The following ROBO1 variants were observed in gnomAD, a reference collection of about 807,000 sequenced individuals.
The protein encoded by ROBO1 is roundabout homolog 1.
Under a neutral mutation model 195.9 loss-of-function variants are expected in ROBO1, and 149 were observed. The ratio of observed to expected loss-of-function variants is 0.76; its 90% confidence interval spans 0.67 to 0.87. The LOEUF (loss-of-function observed/expected upper bound fraction) is 0.87, where lower values mean the gene tolerates loss of function less well. Ranked by LOEUF, ROBO1 falls within the 40% of genes least tolerant of loss-of-function variation. The pLI is 0.00. For synonymous variants in ROBO1, 816 were observed against 733.2 expected (o/e 1.11, Z -1.82); for missense variants, 1,933 against 2,068.3 (o/e 0.93, Z 1.27).
At chr3:78,773,014 C>T (rs1386389995) in intron 4 of ROBO1, among the ~76,000 whole-genome samples, 2 of 151,994 alleles carry the variant, frequency 1.3e-5, no homozygotes, top group African/African-American at 4.8e-5. Flanking sequence ...TATAGTACCA[C>T]ATAATAATAT....
chr3:79,569,825 A>C (rs370469985), intron 2 of ROBO1, among the ~76,000 whole-genome samples: 3 of 152,074 alleles, frequency 2.0e-5, no homozygotes, highest in African/African-American at 7.2e-5. Flanking sequence ...TCGGCCTGGC[A>C]CGGTGGCTCA....
chr3:79,326,199 TC>T (rs1319018907), intron 2 of ROBO1, among the ~76,000 whole-genome samples: 1 of 152,188 alleles, frequency 6.6e-6, no homozygotes, highest in Non-Finnish European at 1.5e-5. Flanking sequence ...TTTTAATTTC[TC>T]CCCGGTCCTG....
chr3:78,919,709 A>G (rs1228127709), intron 4 of ROBO1, among the ~76,000 whole-genome samples: 3 of 152,228 alleles, frequency 2.0e-5, no homozygotes, highest in Non-Finnish European at 4.4e-5. Context: ...ACATCACAGA[A>G]AAAGTTGAGG....
At chr3:79,717,035 T>C (rs910178788) in intron 1 of ROBO1, among the ~76,000 whole-genome samples, 4 of 151,992 alleles carry the variant, frequency 2.6e-5, no homozygotes, top group Non-Finnish European at 4.4e-5. Flanking sequence ...GCAGAGATCA[T>C]TTGTGAAAAG....
At chr3:79,012,254 C>T (rs190647363) in intron 3 of ROBO1, among the ~76,000 whole-genome samples, 87 of 152,322 alleles carry the variant, frequency 5.7e-4, no homozygotes, top group African/African-American at 2.1e-3. Context: ...CTATATGCTG[C>T]ATACAAAGCA....
At chr3:79,615,282 C>T (rs1944784763) in intron 1 of ROBO1, among the ~76,000 whole-genome samples, 2 of 152,132 alleles carry the variant, frequency 1.3e-5, no homozygotes, top group Admixed American at 6.5e-5. Flanking sequence ...TTTACATAAA[C>T]TCAACTAATT....
At chr3:79,107,859 A>C (rs1051179085) in intron 3 of ROBO1, among the ~76,000 whole-genome samples, 1 of 151,754 alleles carries the variant, frequency 6.6e-6, no homozygotes, top group Non-Finnish European at 1.5e-5. Context: ...GAGTTAAGAT[A>C]ATATTAATAT....
intron 1 of ROBO1, among the ~76,000 whole-genome samples, chr3:79,731,244 T>C (rs2107355220): frequency 6.6e-6 from 1 of 152,266 alleles, no homozygotes; most frequent in South Asian, 2.1e-4. Flanking sequence ...GTGCCTATGA[T>C]TTTTTCTAAA....
chr3:78,725,134 C>T (rs3773233), intron 5 of ROBO1, among the ~76,000 whole-genome samples: 35,206 of 151,960 alleles, frequency 0.23, 4,340 homozygotes, highest in East Asian at 0.47. Flanking sequence ...TTACCATATA[C>T]CTTACCAGCC....
chr3:78,991,992 A>C (rs548782668), intron 3 of ROBO1, among the ~76,000 whole-genome samples: 4 of 152,352 alleles, frequency 2.6e-5, no homozygotes, highest in Admixed American at 6.5e-5. Flanking sequence ...ACATACTTGT[A>C]GAAATTAAAA....
intron 1 of ROBO1, among the ~76,000 whole-genome samples, chr3:79,699,545 C>T (rs1325464697): frequency 6.6e-6 from 1 of 151,600 alleles, no homozygotes; most frequent in African/African-American, 2.4e-5. Flanking sequence ...CAGTCTCTTC[C>T]AAAGGCACAC....
At chr3:79,008,269 T>C (rs2077673489) in intron 3 of ROBO1, among the ~76,000 whole-genome samples, 2 of 152,170 alleles carry the variant, frequency 1.3e-5, no homozygotes, top group South Asian at 4.1e-4. Flanking sequence ...AACTTGAATC[T>C]TGTATTAAAA....
At chr3:78,677,896 T>C (rs1396184304) in intron 10 of ROBO1, among the ~76,000 whole-genome samples, 2 of 151,548 alleles carry the variant, frequency 1.3e-5, no homozygotes, top group Admixed American at 6.6e-5. Flanking sequence ...ACACCACACC[T>C]ATTCCAAAAT....
At chr3:78,806,062 C>T (rs749318515) in intron 4 of ROBO1, among the ~76,000 whole-genome samples, 6 of 152,028 alleles carry the variant, frequency 3.9e-5, no homozygotes, top group Admixed American at 6.6e-5. Context: ...TGGGCTCAAG[C>T]GATCCTCTCA....
chr3:79,533,860 TGTCCATATCCCAA>T, intron 2 of ROBO1, among the ~76,000 whole-genome samples: 1 of 152,086 alleles, frequency 6.6e-6, no homozygotes, highest in East Asian at 1.9e-4. Flanking sequence ...AGCAGAAAGA[TGTCCATATCCCAA>T]TTCCTGGAAA....
intron 3 of ROBO1, among the ~76,000 whole-genome samples, chr3:79,083,254 A>G (rs972122595): frequency 1.3e-5 from 2 of 152,188 alleles, no homozygotes; most frequent in Admixed American, 6.5e-5. Context: ...GATAATGGAC[A>G]TGAAGAAAAA....
intron 2 of ROBO1, among the ~76,000 whole-genome samples, chr3:79,537,579 C>T (rs1222236604): frequency 6.6e-6 from 1 of 152,032 alleles, no homozygotes; most frequent in Admixed American, 6.6e-5. Context: ...AGAGAGAAGC[C>T]ATGGGTGGGT....
At chr3:79,665,502 C>A (rs978221967) in intron 1 of ROBO1, among the ~76,000 whole-genome samples, 2 of 151,758 alleles carry the variant, frequency 1.3e-5, no homozygotes, top group African/African-American at 2.4e-5. Context: ...ATAGGTGTCT[C>A]CCCTTTAAGC....
intron 4 of ROBO1, chr3:78,937,864 G>C (rs2039895863): frequency 6.6e-6 from 1 of 152,050 alleles, no homozygotes; most frequent in Non-Finnish European, 1.5e-5. Context: ...AATTAGAAAT[G>C]GTTTAAAACC....
Sources: gnomAD v4.1 joint callset for allele counts (sites outside exome capture counted in the v4.1 genomes callset) on GRCh38, gnomAD v4.1.1 for gene constraint, MANE v1.5 for transcripts, NCBI Gene and HGNC (gene_info 2026-07-23, HGNC 2026-07-21) for gene names.